The following BTK variants were observed in gnomAD, a reference collection of about 807,000 sequenced individuals.
BTK encodes Bruton tyrosine kinase, also known as tyrosine-protein kinase BTK.
A neutral mutation model predicts 57.4 loss-of-function variants in BTK; 5 were observed. The observed-to-expected ratio is 0.09, with a 90% confidence interval of 0.05 to 0.18. The LOEUF (loss-of-function observed/expected upper bound fraction) is 0.18, where lower values mean the gene tolerates loss of function less well. Ranked by LOEUF, BTK falls within the 10% of genes least tolerant of loss-of-function variation. BTK has a pLI of 1.00. For missense variants in BTK, 194 were observed against 501.2 expected (o/e 0.39, Z 5.85); for synonymous variants, 154 against 174.3 (o/e 0.88, Z 0.92).
At chrX:101,380,830 C>A (rs1287572677) in intron 1 of BTK, among the ~76,000 whole-genome samples, 1 of 108,027 alleles carries the variant, frequency 9.3e-6, no homozygotes, top group African/African-American at 3.4e-5. Flanking sequence ...GCCTGACCAA[C>A]ATGGAGAAAC....
chrX:101,360,423 A>G, intron 8 of BTK, 145 bp downstream of exon 8: 1 of 645,015 alleles, frequency 1.6e-6, no homozygotes, highest in African/African-American at 2.1e-5. Flanking sequence ...CACGCTGGGA[A>G]GTACTTGGAG....
chrX:101,379,919 A>AT (rs1243231424), intron 1 of BTK, among the ~76,000 whole-genome samples: 1 of 111,362 alleles, frequency 9.0e-6, no homozygotes, highest in Non-Finnish European at 1.9e-5. Context: ...GTTTTCTTAC[A>AT]TTTTCCCTCT....
chrX:101,360,683 C>A lies in BTK; in HGVS notation c.661G>T (p.Ala221Ser), dbSNP rs1555978492. ...TTCATTGGCATGTAATCATAAAGGG[C>A]CACAACCTTTTTCAGCTCACTTGTG... ...VSTSELKKVV[A>S]LYDYMPMNAN... Residue 221 changes from alanine to serine, a missense_variant, in exon 8 of 19, where the codon GCC (alanine) becomes TCC (serine). Ala to Ser is a moderately conservative substitution (Grantham distance 99). Coordinates refer to ENST00000308731, the MANE Select transcript of BTK (RefSeq NM_000061.3). 1 of 1,211,497 alleles carries A rather than the reference C, an allele frequency of 8.3e-7. No individual in the cohort carries two copies. Among genetic ancestry groups the A allele is most frequent in the East Asian group, 3.0e-5 (1 of 33,833 alleles).
intron 5 of BTK, among the ~76,000 whole-genome samples, chrX:101,369,273 T>A (rs888886582): frequency 1.4e-4 from 16 of 112,449 alleles, no homozygotes; most frequent in Non-Finnish European, 1.5e-4. Context: ...CATGTATTAT[T>A]ACTTCATTTG....
upstream of BTK, chrX:101,390,666 G>C (rs977469000): frequency 1.3e-5 from 6 of 478,718 alleles, no homozygotes; most frequent in Non-Finnish European, 2.2e-5. Flanking sequence ...TGGAGGTGGA[G>C]GACCCCTTCA....
upstream of BTK, among the ~76,000 whole-genome samples, chrX:101,389,162 T>G (rs782427605): frequency 4.5e-5 from 5 of 111,801 alleles, no homozygotes; most frequent in Non-Finnish European, 9.4e-5. Flanking sequence ...GGATGATAGA[T>G]GTGTTAATCA....
intron 1 of BTK, among the ~76,000 whole-genome samples, chrX:101,378,621 C>T (rs191015316): frequency 9.0e-6 from 1 of 110,578 alleles, no homozygotes; most frequent in East Asian, 2.8e-4. Context: ...ACACAGAGCT[C>T]TTCATTTAAA....
At chrX:101,367,259 GA>G (rs1407982315) in intron 5 of BTK, among the ~76,000 whole-genome samples, 2 of 98,086 alleles carry the variant, frequency 2.0e-5, no homozygotes, top group Non-Finnish European at 4.1e-5. Context: ...AAAAAAAAAA[GA>G]AAAAAAGAAA....
chrX:101,374,770 T>G (rs1190654495), intron 2 of BTK, 136 bp from the exon 3 acceptor site: 2 of 544,827 alleles, frequency 3.7e-6, no homozygotes, highest in African/African-American at 4.6e-5. Flanking sequence ...GAAAAAAAAA[T>G]CCTTCCAGAT....
At chrX:101,359,557 G>A (rs1426428990) in intron 9 of BTK, among the ~76,000 whole-genome samples, 1 of 111,831 alleles carries the variant, frequency 8.9e-6, no homozygotes, top group African/African-American at 3.3e-5. Context: ...GCAGGCAAAG[G>A]CAAGCAGCAG....
intron 1 of BTK, among the ~76,000 whole-genome samples, chrX:101,379,201 A>G (rs1007484497): frequency 9.0e-6 from 1 of 110,830 alleles, no homozygotes; most frequent in African/African-American, 3.3e-5. Flanking sequence ...AAGAAGAAGA[A>G]TACCAGAGCA....
At chrX:101,359,977 TTA>T (rs782306115) in intron 9 of BTK, 109 bp downstream of exon 9, 255 of 195,841 alleles carry the variant, frequency 1.3e-3, no homozygotes, top group East Asian at 2.1e-3. Flanking sequence ...CTTGTGTGTG[TTA>T]TATATATATA....
intron 5 of BTK, among the ~76,000 whole-genome samples, chrX:101,363,927 ATTAT>A (rs1926760973): frequency 1.0e-5 from 1 of 97,098 alleles, no homozygotes; most frequent in Non-Finnish European, 2.0e-5. Flanking sequence ...TATTATTATT[ATTAT>A]TATTATTGGA....
chrX:101,374,693 T>C, intron 2 of BTK, 59 bp from the exon 3 acceptor site: 1 of 997,287 alleles, frequency 1.0e-6, no homozygotes, highest in Non-Finnish European at 1.4e-6. Flanking sequence ...AGCAACCAGA[T>C]GATTAGATTT....
intron 1 of BTK, among the ~76,000 whole-genome samples, chrX:101,379,119 A>G (rs1555981436): frequency 9.3e-6 from 1 of 107,896 alleles, no homozygotes; most frequent in Non-Finnish European, 1.9e-5. Flanking sequence ...GGTTGCAGTG[A>G]GCCAAGATCG....
At chrX:101,356,648 G>T in intron 14 of BTK, 136 bp downstream of exon 14, 2 of 718,496 alleles carry the variant, frequency 2.8e-6, no homozygotes, top group Admixed American at 2.3e-5. Context: ...TAGGACTACC[G>T]CCAGTTAAAG....
upstream of BTK, chrX:101,386,254 T>A (rs1360121755): frequency 9.0e-6 from 1 of 111,229 alleles, no homozygotes; most frequent in Non-Finnish European, 1.9e-5. Flanking sequence ...CCTAAACCAA[T>A]GTCTTTTTTT....
At chrX:101,386,936 C>T (rs1555982535), upstream of BTK, among the ~76,000 whole-genome samples, 1 of 111,137 alleles carries the variant, frequency 9.0e-6, no homozygotes, top group Non-Finnish European at 1.9e-5. Flanking sequence ...TCAGGGGCCC[C>T]CTACATTATG....
At chrX:101,371,160 T>TA (rs1927018230) in intron 4 of BTK, among the ~76,000 whole-genome samples, 1 of 112,276 alleles carries the variant, frequency 8.9e-6, no homozygotes, top group Non-Finnish European at 1.9e-5. Flanking sequence ...CCTAAACAGA[T>TA]GCATATGTGG....
Sources: gnomAD v4.1 joint callset for allele counts (sites outside exome capture counted in the v4.1 genomes callset) on GRCh38, gnomAD v4.1.1 for gene constraint, MANE v1.5 for transcripts, NCBI Gene and HGNC (gene_info 2026-07-23, HGNC 2026-07-21) for gene names.